TGFA: variants seen among roughly 807,000 people sequenced by gnomAD.
TGFA encodes the protein transforming growth factor alpha, also known as protransforming growth factor alpha.
Under a neutral mutation model 21.7 loss-of-function variants are expected in TGFA, and 12 were observed. The ratio of observed to expected loss-of-function variants is 0.55; its 90% CI spans 0.35 to 0.90. TGFA has a LOEUF of 0.90. Ranked by LOEUF, TGFA falls within the 40% of genes least tolerant of loss-of-function variation. The probability of loss-of-function intolerance (pLI) is 0.01; values close to 1 mark genes in which losing one functional copy is unlikely to be tolerated. For missense variants in TGFA, 178 were observed against 210.8 expected, an observed-to-expected ratio of 0.84 and a Z score of 0.96; for synonymous variants, 79 against 88.1, an observed-to-expected ratio of 0.90 and a Z score of 0.58.
chr2:70,553,478 C>T (rs1673579816), intron 1 of TGFA: 1 of 1,405,580 alleles, frequency 7.1e-7, no homozygotes, highest in African/African-American at 1.4e-5. Flanking sequence ...TCCGCTTCCC[C>T]TTCCCAGGTG....
chr2:70,454,598 C>G (rs1553490187), intron 4 of TGFA, among the ~76,000 whole-genome samples: 1 of 152,208 alleles, frequency 6.6e-6, no homozygotes, highest in Admixed American at 6.5e-5. Flanking sequence ...CATCCCCGGG[C>G]AATGGGATCA....
chr2:70,459,698 G>A (rs1553491210), intron 3 of TGFA, among the ~76,000 whole-genome samples: 1 of 152,176 alleles, frequency 6.6e-6, no homozygotes, highest in Non-Finnish European at 1.5e-5. Context: ...AGGAACATTT[G>A]CCATTCATGC....
At chr2:70,527,450 G>A (rs1672672323) in intron 1 of TGFA, among the ~76,000 whole-genome samples, 3 of 152,184 alleles carry the variant, frequency 2.0e-5, no homozygotes, top group Non-Finnish European at 2.9e-5. Flanking sequence ...AGGGGAGAAA[G>A]GGATGAACAG....
chr2:70,487,433 C>G (rs571672445), intron 2 of TGFA, among the ~76,000 whole-genome samples: 1 of 152,322 alleles, frequency 6.6e-6, no homozygotes, highest in Non-Finnish European at 1.5e-5. Flanking sequence ...GGACCCAACT[C>G]TAAACATAAA....
chr2:70,462,404 G>A (rs536925918), intron 3 of TGFA, among the ~76,000 whole-genome samples: 142 of 152,344 alleles, frequency 9.3e-4, no homozygotes, highest in African/African-American at 3.2e-3. Flanking sequence ...GGGGTCCCAC[G>A]GATGGCAAAG....
intron 1 of TGFA, among the ~76,000 whole-genome samples, chr2:70,534,932 G>C (rs565691885): frequency 1.4e-4 from 22 of 152,298 alleles, no homozygotes; most frequent in Non-Finnish European, 3.1e-4. Context: ...AATGGAAGCA[G>C]CATGGCTAGG....
At chr2:70,551,880 A>G (rs1673521865) in intron 1 of TGFA, among the ~76,000 whole-genome samples, 1 of 152,226 alleles carries the variant, frequency 6.6e-6, no homozygotes, top group Non-Finnish European at 1.5e-5. Flanking sequence ...GAATGAATGC[A>G]GTCTTTGTGG....
chr2:70,547,560 A>G (rs781975139), intron 1 of TGFA, among the ~76,000 whole-genome samples: 5 of 132,120 alleles, frequency 3.8e-5, no homozygotes. Flanking sequence ...AAAAAAAAAA[A>G]CATGAAAAAC....
chr2:70,521,606 G>GTTTTT (rs1559133439), intron 1 of TGFA, among the ~76,000 whole-genome samples: 1 of 98,222 alleles, frequency 1.0e-5, no homozygotes. Flanking sequence ...TTTTTTTGTT[G>GTTTTT]TTGTTTGTTT....
chr2:70,516,531 A>C (rs1162450260), intron 1 of TGFA, among the ~76,000 whole-genome samples: 1 of 149,512 alleles, frequency 6.7e-6, no homozygotes, highest in African/African-American at 2.6e-5. Context: ...CTGGAGTTGG[A>C]GGCAGGGCAG....
At chr2:70,459,787 A>G (rs1207327940) in intron 3 of TGFA, among the ~76,000 whole-genome samples, 11 of 152,190 alleles carry the variant, frequency 7.2e-5, no homozygotes, top group African/African-American at 2.7e-4. Context: ...TCTTCATGCC[A>G]ACAAGAATGC....
Position 70,463,994 on chromosome 2 carries a change from T to C in TGFA, c.215+1622A>G, listed in dbSNP as rs111718838. ...CTGGAGGAGTTTCTTAGCCCTGCGG[T>C]GTTCCGAGGAGGAGGGTGGCCAGTG... On this transcript the variant is annotated intron_variant, in intron 3 of 5. Coordinates refer to ENST00000295400, the MANE Select transcript of TGFA (RefSeq NM_003236.4). 5.2e-3 allele frequency among the ~76,000 whole-genome samples: 792 copies of C among 152,320 alleles called. 10 individuals are homozygous for C. Among genetic ancestry groups the C allele is most frequent in the African/African-American group, 0.018 (760 of 41,576 alleles).
At chr2:70,497,022 C>T (rs1216311187) in intron 2 of TGFA, among the ~76,000 whole-genome samples, 2 of 152,158 alleles carry the variant, frequency 1.3e-5, no homozygotes, top group Non-Finnish European at 2.9e-5. Context: ...AATGAGTCAG[C>T]CACTGGAAAA....
chr2:70,553,543 G>A (rs922955181), intron 1 of TGFA, 185 bp downstream of exon 1: 7 of 1,370,520 alleles, frequency 5.1e-6, no homozygotes, highest in Middle Eastern at 2.1e-4. Context: ...GCGCTCGACC[G>A]GACAGTCCCC....
At chr2:70,524,597 G>A (rs2103884485) in intron 1 of TGFA, among the ~76,000 whole-genome samples, 1 of 152,352 alleles carries the variant, frequency 6.6e-6, no homozygotes, top group African/African-American at 2.4e-5. Flanking sequence ...GCCGTGCCAA[G>A]CTGAGGCACT....
intron 2 of TGFA, among the ~76,000 whole-genome samples, chr2:70,483,945 T>A (rs1422847830): frequency 6.6e-6 from 1 of 152,178 alleles, no homozygotes; most frequent in African/African-American, 2.4e-5. Flanking sequence ...ACAGTCTCTC[T>A]CCCCTTTACT....
intron 1 of TGFA, among the ~76,000 whole-genome samples, chr2:70,521,298 C>T (rs911542740): frequency 6.6e-6 from 1 of 152,152 alleles, no homozygotes; most frequent in Admixed American, 6.5e-5. Flanking sequence ...CCATTCCCTC[C>T]TGTCAGGTCC....
chr2:70,542,212 G>A (rs1673153300), intron 1 of TGFA, among the ~76,000 whole-genome samples: 1 of 152,144 alleles, frequency 6.6e-6, no homozygotes, highest in Non-Finnish European at 1.5e-5. Flanking sequence ...AGGGAAGGGA[G>A]GAAAGTCTGT....
rs538217703 is a variant in TGFA at position 70,521,480 on chromosome 2, T to A, written c.41-6568A>T. 3.3e-5 allele frequency among the ~76,000 whole-genome samples: 5 copies of A among 152,278 alleles called. No individual in the cohort carries two copies. The South Asian group carries it at 1.0e-3, about 32-fold the overall frequency. Reference sequence around the variant, plus strand: ...TTCACTGTAAAAGCAGATAAAGATATCCAACTCTTGCACAGGGTTGTTTAG... The same window carrying A: ...TTCACTGTAAAAGCAGATAAAGATAACCAACTCTTGCACAGGGTTGTTTAG... On this transcript the variant is annotated intron_variant, in intron 1 of 5. Transcript: ENST00000295400.
Sources: gnomAD v4.1 joint callset for allele counts (sites outside exome capture counted in the v4.1 genomes callset) on GRCh38, gnomAD v4.1.1 for gene constraint, MANE v1.5 for transcripts, NCBI Gene and HGNC (gene_info 2026-07-23, HGNC 2026-07-21) for gene names.